Variants in MBD5 observed in about 807,000 individuals in gnomAD.
MBD5 encodes the protein methyl-CpG-binding domain protein 5.
MBD5 carries 13 observed loss-of-function variants against 117.3 expected under a neutral mutation model. The ratio of observed to expected loss-of-function variants is 0.11; its 90% CI spans 0.07 to 0.18. MBD5 has a LOEUF of 0.18. MBD5 is among the 10% of genes least tolerant of loss of function. The probability of loss-of-function intolerance (pLI) is 1.00; values close to 1 mark genes in which losing one functional copy is unlikely to be tolerated. For synonymous variants in MBD5, 727 were observed against 766.4 expected, an observed-to-expected ratio of 0.95 and a Z score of 0.85; for missense variants, 1,879 against 2,093.8, an observed-to-expected ratio of 0.90 and a Z score of 2.00.
chr2:148,105,106 TC>T (rs1357029661), intron 1 of MBD5, among the ~76,000 whole-genome samples: 2 of 152,298 alleles, frequency 1.3e-5, no homozygotes, highest in East Asian at 3.9e-4. Context: ...TAGGAATTTG[TC>T]CATTTCATCT....
chr2:148,454,564 A>G (rs1706825746), intron 4 of MBD5, among the ~76,000 whole-genome samples: 1 of 152,198 alleles, frequency 6.6e-6, no homozygotes, highest in South Asian at 2.1e-4. Flanking sequence ...TATATAGGAA[A>G]TAAACATATT....
At chr2:148,297,978 G>A (rs1274124237) in intron 3 of MBD5, among the ~76,000 whole-genome samples, 1 of 152,190 alleles carries the variant, frequency 6.6e-6, no homozygotes, top group African/African-American at 2.4e-5. Flanking sequence ...TGAAGCTAAG[G>A]TTAGGAACAG....
intron 1 of MBD5, among the ~76,000 whole-genome samples, chr2:148,170,739 C>A (rs1429797643): frequency 6.6e-6 from 1 of 152,106 alleles, no homozygotes; most frequent in Non-Finnish European, 1.5e-5. Context: ...AGCGTATTTT[C>A]TTTCTCTAAG....
At chr2:148,507,070 C>G (rs1682055402) in intron 12 of MBD5, among the ~76,000 whole-genome samples, 1 of 152,142 alleles carries the variant, frequency 6.6e-6, no homozygotes. Flanking sequence ...CAAAAGTAGT[C>G]ATTTCTCCCT....
chr2:148,386,914 T>C (rs995321047), intron 4 of MBD5, among the ~76,000 whole-genome samples: 1 of 152,124 alleles, frequency 6.6e-6, no homozygotes, highest in Non-Finnish European at 1.5e-5. Context: ...AAATATTTAA[T>C]TAAAAACTTG....
At chr2:148,358,637 A>T (rs1329692127) in intron 4 of MBD5, among the ~76,000 whole-genome samples, 2 of 141,632 alleles carry the variant, frequency 1.4e-5, no homozygotes, top group Admixed American at 6.9e-5. Flanking sequence ...AAAAAAAAAA[A>T]GCTGGGTGTG....
chr2:148,223,211 A>C (rs1276613816), intron 2 of MBD5, among the ~76,000 whole-genome samples: 1 of 152,032 alleles, frequency 6.6e-6, no homozygotes, highest in Non-Finnish European at 1.5e-5. Context: ...CATCAGAAAT[A>C]CTGGCCTGTG....
In MBD5 at chr2:148,499,072, C is replaced by T. The variant is rs1292017852; in HGVS notation, c.4963-3364C>T. ...CTTTTGGAGGCTACGGCAAGCAGAT[C>T]GCTTGAGCCCAGGAGTTTGAGATCA... On this transcript the variant is annotated intron_variant, in intron 11 of 13. Transcript: ENST00000642680. 7.2e-5 allele frequency among the ~76,000 whole-genome samples: 11 copies of T among 152,170 alleles called. No homozygotes were observed. The East Asian group carries it at 1.3e-3, about 19-fold the overall frequency.
chr2:148,304,745 G>C (rs1002474723), intron 3 of MBD5, among the ~76,000 whole-genome samples: 2 of 152,242 alleles, frequency 1.3e-5, no homozygotes, highest in African/African-American at 4.8e-5. Flanking sequence ...GGAGAATTCT[G>C]GCTGAACTGA....
intron 4 of MBD5, among the ~76,000 whole-genome samples, chr2:148,441,300 C>T (rs1184387321): frequency 3.9e-5 from 6 of 152,098 alleles, no homozygotes; most frequent in African/African-American, 7.2e-5. Context: ...GTTCCCCTTA[C>T]TGTGTCCATG....
chr2:148,296,898 C>T (rs1479463442), intron 3 of MBD5, among the ~76,000 whole-genome samples: 2 of 38,980 alleles, frequency 5.1e-5, no homozygotes, highest in Non-Finnish European at 1.1e-4. Context: ...GACAGAGTCT[C>T]ACTCTGTCGC....
chr2:148,450,097 A>G (rs1028567410), intron 4 of MBD5, among the ~76,000 whole-genome samples: 1 of 152,122 alleles, frequency 6.6e-6, no homozygotes, highest in Non-Finnish European at 1.5e-5. Flanking sequence ...CCCTAGTGCT[A>G]TTAAAATTTC....
chr2:148,132,483 T>C (rs866516067), intron 1 of MBD5, among the ~76,000 whole-genome samples: 51 of 152,022 alleles, frequency 3.4e-4, no homozygotes, highest in African/African-American at 1.2e-3. Flanking sequence ...TTCTGAAATG[T>C]AAAAATGAAC....
At chr2:148,224,509 A>ATTTTTTTTTTTTTTTTTTTTT (rs34659671) in intron 2 of MBD5, among the ~76,000 whole-genome samples, 27 of 58,182 alleles carry the variant, frequency 4.6e-4, no homozygotes, top group African/African-American at 2.1e-3. Context: ...CGCCTGGCTA[A>ATTTTTTTTTTTTTTTTTTTTT]TTTTTTTTTT....
At chr2:148,319,542 T>TG (rs1343840870) in intron 3 of MBD5, among the ~76,000 whole-genome samples, 5 of 152,224 alleles carry the variant, frequency 3.3e-5, no homozygotes, top group African/African-American at 1.2e-4. Flanking sequence ...CTTCTTCATT[T>TG]GGTCCTTTAC....
chr2:148,501,162 T>C (rs1279847514), intron 11 of MBD5, among the ~76,000 whole-genome samples: 1 of 152,248 alleles, frequency 6.6e-6, no homozygotes, highest in Non-Finnish European at 1.5e-5. Context: ...TAGAAATGCT[T>C]GTTTTCAGAC....
intron 2 of MBD5, among the ~76,000 whole-genome samples, chr2:148,192,873 C>A (rs1297499542): frequency 1.9e-5 from 1 of 52,292 alleles, no homozygotes; most frequent in East Asian, 7.0e-4. Context: ...TCGTCTCAGC[C>A]CAAAATCTCC....
chr2:148,202,820 G>C (rs926354021), intron 2 of MBD5, among the ~76,000 whole-genome samples: 5 of 151,960 alleles, frequency 3.3e-5, no homozygotes, highest in African/African-American at 1.2e-4. Flanking sequence ...TTGAGGTCAG[G>C]AGTTCGAGAC....
intron 4 of MBD5, among the ~76,000 whole-genome samples, chr2:148,385,670 T>C (rs1012662690): frequency 3.3e-5 from 5 of 151,758 alleles, no homozygotes; most frequent in South Asian, 2.1e-4. Flanking sequence ...CGTATGTTTA[T>C]TGCGGCACTA....
Sources: allele counts gnomAD v4.1 joint callset (sites outside exome capture counted in the v4.1 genomes callset), GRCh38; gene constraint gnomAD v4.1.1; transcripts MANE v1.5; gene names NCBI Gene and HGNC (gene_info 2026-07-23, HGNC 2026-07-21).